GNG2: variants seen among roughly 807,000 people sequenced by gnomAD.
GNG2 encodes the protein G protein subunit gamma 2, also known as guanine nucleotide-binding protein G(I)/G(S)/G(O) subunit gamma-2.
A neutral mutation model predicts 5.5 loss-of-function variants in GNG2; 5 were observed. The observed-to-expected ratio is 0.91, with a 90% CI of 0.48 to 1.92. The LOEUF (loss-of-function observed/expected upper bound fraction) is 1.92, where lower values mean the gene tolerates loss of function less well. Ranked by LOEUF, GNG2 falls within the 30% of genes most tolerant of loss-of-function variation. The pLI is 0.01. For synonymous variants in GNG2, 28 were observed against 32.0 expected, an observed-to-expected ratio of 0.88 and a Z score of 0.42; for missense variants, 55 against 88.4, an observed-to-expected ratio of 0.62 and a Z score of 1.52.
intron 1 of GNG2, among the ~76,000 whole-genome samples, chr14:51,861,663 T>C (rs1315601354): frequency 6.6e-6 from 1 of 152,176 alleles, no homozygotes; most frequent in East Asian, 1.9e-4. Flanking sequence ...GCAAAGGATG[T>C]TCTTAATGAG....
chr14:51,951,192 A>G (rs1888956791), intron 3 of GNG2, among the ~76,000 whole-genome samples: 1 of 152,180 alleles, frequency 6.6e-6, no homozygotes, highest in Non-Finnish European at 1.5e-5. Context: ...CTTGCACGTT[A>G]TAAGTTTTTT....
intron 3 of GNG2, among the ~76,000 whole-genome samples, chr14:51,966,234 A>AAAAAAAAAAC (rs1889903300): frequency 6.7e-6 from 1 of 149,914 alleles, no homozygotes; most frequent in African/African-American, 2.5e-5. Flanking sequence ...AAAAAAAAAA[A>AAAAAAAAAAC]AAACAAATGA....
intron 3 of GNG2, among the ~76,000 whole-genome samples, chr14:51,966,294 T>C (rs1889915445): frequency 6.7e-6 from 1 of 148,252 alleles, no homozygotes; most frequent in Non-Finnish European, 1.5e-5. Flanking sequence ...GACACCTGCA[T>C]GCCCCTGCCA....
At chr14:51,881,246 A>G (rs1050565322) in intron 2 of GNG2, among the ~76,000 whole-genome samples, 8 of 152,226 alleles carry the variant, frequency 5.3e-5, no homozygotes, top group African/African-American at 1.9e-4. Flanking sequence ...TCATAGAGCA[A>G]AATCGAACTT....
chr14:51,873,669 C>G (rs1004248632), intron 1 of GNG2, among the ~76,000 whole-genome samples: 4 of 152,226 alleles, frequency 2.6e-5, no homozygotes, highest in African/African-American at 9.6e-5. Flanking sequence ...ATGTAAGTCT[C>G]TAAGGTCAAC....
intron 3 of GNG2, chr14:51,951,838 G>T: frequency 1.4e-6 from 1 of 700,204 alleles, no homozygotes. Flanking sequence ...TTGTAACAGA[G>T]ACCATATGGC....
At chr14:51,958,293 C>T (rs1889383378) in intron 3 of GNG2, among the ~76,000 whole-genome samples, 1 of 152,080 alleles carries the variant, frequency 6.6e-6, no homozygotes, top group African/African-American at 2.4e-5. Flanking sequence ...AGCACTGGTT[C>T]CTGGTTCCTT....
chr14:51,827,996 G>A (rs962774252), intron 2 of GNG2, among the ~76,000 whole-genome samples: 3 of 152,232 alleles, frequency 2.0e-5, no homozygotes, highest in Non-Finnish European at 2.9e-5. Context: ...GGTTGTAGAC[G>A]GTTGGGGGAA....
chr14:51,867,127 C>G (rs1237626362), intron 1 of GNG2, among the ~76,000 whole-genome samples: 1 of 152,186 alleles, frequency 6.6e-6, no homozygotes, highest in African/African-American at 2.4e-5. Context: ...TCTCTGCGGG[C>G]TCCAACTTCA....
At chr14:51,958,346 C>T (rs902815026) in intron 3 of GNG2, among the ~76,000 whole-genome samples, 1 of 146,098 alleles carries the variant, frequency 6.8e-6, no homozygotes, top group Admixed American at 6.8e-5. Flanking sequence ...GCCAAATGTG[C>T]TCACTGCTGA....
chr14:51,880,148 C>A (rs574029278), intron 2 of GNG2, among the ~76,000 whole-genome samples: 92 of 152,306 alleles, frequency 6.0e-4, no homozygotes, highest in African/African-American at 1.9e-3. Flanking sequence ...TGGCTCCTTT[C>A]TTGCCCAGAC....
At chr14:51,867,193 C>A (rs370687704) in intron 1 of GNG2, among the ~76,000 whole-genome samples, 26 of 152,116 alleles carry the variant, frequency 1.7e-4, no homozygotes, top group African/African-American at 5.3e-4. Flanking sequence ...GAGTCTTTGG[C>A]CATTTAATTT....
chr14:51,851,350 A>G (rs189512227), intron 2 of GNG2, among the ~76,000 whole-genome samples: 117 of 152,364 alleles, frequency 7.7e-4, no homozygotes, highest in Admixed American at 6.9e-3. Flanking sequence ...CATAAGATGC[A>G]CTTCGTATCA....
At chr14:51,900,144 C>G (rs770172065) in intron 2 of GNG2, among the ~76,000 whole-genome samples, 4 of 152,138 alleles carry the variant, frequency 2.6e-5, no homozygotes, top group Non-Finnish European at 4.4e-5. Context: ...CCCAAGGGCT[C>G]CAATTTCTCC....
At chr14:51,961,599 A>G (rs1410490652) in intron 3 of GNG2, among the ~76,000 whole-genome samples, 1 of 152,230 alleles carries the variant, frequency 6.6e-6, no homozygotes, top group Non-Finnish European at 1.5e-5. Context: ...GAAAGAGAAG[A>G]ATGTGAGAAA....
intron 2 of GNG2, among the ~76,000 whole-genome samples, chr14:51,850,565 A>T (rs1295211753): frequency 1.3e-5 from 2 of 152,226 alleles, no homozygotes; most frequent in Admixed American, 1.3e-4. Context: ...ACTGGGGAAC[A>T]TGTAGAGTCC....
rs1890114814 is a variant in GNG2 at position 51,969,759 on chromosome 14, A to G, written c.*3072A>G. Reference sequence around the variant, plus strand: ...GTGCACATTTTCATCCCACATGGACAATGTATGTGTTTTAATAAATGGAAT... The same window carrying G: ...GTGCACATTTTCATCCCACATGGACGATGTATGTGTTTTAATAAATGGAAT... On this transcript the variant is annotated 3_prime_UTR_variant, in exon 4 of 4. Transcript: ENST00000556766. 1 of 152,220 alleles carries G rather than the reference A, an allele frequency of 6.6e-6. No individual in the cohort carries two copies. The highest frequency in any genetic ancestry group is 1.5e-5 in the Non-Finnish European group (1 of 68,044). 9.4% of individuals were successfully genotyped at this position (152,220 alleles called of 1,614,324 possible). A position where few individuals can be genotyped will look rare whatever the true frequency, so the allele number is the denominator to read the frequency against.
chr14:51,866,804 G>A (rs1372468297), intron 1 of GNG2, among the ~76,000 whole-genome samples: 1 of 152,136 alleles, frequency 6.6e-6, no homozygotes, highest in African/African-American at 2.4e-5. Flanking sequence ...ATTGCACTGG[G>A]GATCAGGTTC....
intron 2 of GNG2, among the ~76,000 whole-genome samples, chr14:51,910,916 A>G (rs1468417012): frequency 1.3e-5 from 2 of 152,254 alleles, no homozygotes; most frequent in African/African-American, 4.8e-5. Flanking sequence ...ACCTGTCTAC[A>G]TGGAATTAGC....
Sources: allele counts gnomAD v4.1 joint callset (sites outside exome capture counted in the v4.1 genomes callset), GRCh38; gene constraint gnomAD v4.1.1; transcripts MANE v1.5; gene names NCBI Gene and HGNC (gene_info 2026-07-23, HGNC 2026-07-21).